Variants in MAGI2 observed in about 807,000 individuals in gnomAD.
MAGI2 encodes the protein membrane associated guanylate kinase, WW and PDZ domain containing 2, also known as membrane-associated guanylate kinase, WW and PDZ domain-containing protein 2.
A neutral mutation model predicts 133.3 loss-of-function variants in MAGI2; 35 were observed. The observed-to-expected ratio is 0.26, with a 90% CI of 0.20 to 0.35. MAGI2 has a LOEUF of 0.35. Among genes scored for constraint, MAGI2 ranks in the 10% least tolerant of loss-of-function variants. The pLI is 1.00. For synonymous variants in MAGI2, 729 were observed against 710.6 expected (o/e 1.03, Z -0.41); for missense variants, 1,636 against 1,863.4 (o/e 0.88, Z 2.25).
chr7:78,942,026 T>C (rs1221639130), intron 2 of MAGI2, among the ~76,000 whole-genome samples: 2 of 152,170 alleles, frequency 1.3e-5, no homozygotes, highest in Admixed American at 1.3e-4. Flanking sequence ...GAAACTAAAA[T>C]TGAATTTGAA....
chr7:79,149,693 C>T (rs1281193167), intron 1 of MAGI2, among the ~76,000 whole-genome samples: 1 of 152,140 alleles, frequency 6.6e-6, no homozygotes. Context: ...ATCCAGGGAA[C>T]CTCAGGCTCA....
At chr7:78,265,990 C>G (rs1458513959) in intron 9 of MAGI2, among the ~76,000 whole-genome samples, 1 of 152,118 alleles carries the variant, frequency 6.6e-6, no homozygotes, top group South Asian at 2.1e-4. Flanking sequence ...TCTACTCTAC[C>G]CGCAACTGTC....
At chr7:79,034,340 C>T (rs1182039515) in intron 1 of MAGI2, among the ~76,000 whole-genome samples, 2 of 152,074 alleles carry the variant, frequency 1.3e-5, no homozygotes, top group Non-Finnish European at 2.9e-5. Context: ...ATTTAAATTA[C>T]ATTTCAGTGC....
At position 78,513,663 on chromosome 7, in the gene MAGI2, C is replaced by T. The variant is rs183107017; in HGVS notation, c.754+7767G>A. ...ACTGCTGGAGAAACCTGAGGTGCTA[C>T]TCTGGTTGTCCTTGTTCTGCCTTCC... On this transcript the variant is annotated intron_variant, in intron 4 of 21. Transcript: ENST00000354212. Among the ~76,000 whole-genome samples the T allele has an allele frequency of 1.2e-3, 182 of 152,270 alleles. 2 individuals carry two copies. Among genetic ancestry groups the T allele is most frequent in the African/African-American group, 4.1e-3 (170 of 41,550 alleles).
chr7:78,155,702 A>G lies in MAGI2; in HGVS notation c.2845+4323T>C, dbSNP rs73366717. On this transcript the variant is annotated intron_variant, in intron 16 of 21. Coordinates refer to ENST00000354212, the MANE Select transcript of MAGI2 (RefSeq NM_012301.4). ...ACAGATAGAAAGCTTCTAAGCTTCT[A>G]AAACCTGTCTACTCCTATGCAATGG... is the stretch of plus-strand genomic sequence containing the variant. 5.8e-3 allele frequency among the ~76,000 whole-genome samples: 886 copies of G among 152,306 alleles called. 7 individuals carry two copies. The highest frequency in any genetic ancestry group is 0.02 in the African/African-American group (833 of 41,564).
intron 1 of MAGI2, among the ~76,000 whole-genome samples, chr7:79,029,897 C>A (rs982134296): frequency 1.3e-5 from 2 of 152,108 alleles, no homozygotes; most frequent in African/African-American, 4.8e-5. Flanking sequence ...CAAGCAATTT[C>A]TTCACCATGC....
chr7:78,328,999 CGTA>C (rs1320262294), intron 9 of MAGI2, among the ~76,000 whole-genome samples: 3 of 152,096 alleles, frequency 2.0e-5, no homozygotes, highest in Admixed American at 2.0e-4. Context: ...ATTTCATATA[CGTA>C]GTAGAATTTT....
intron 1 of MAGI2, among the ~76,000 whole-genome samples, chr7:79,089,723 C>T (rs1816878031): frequency 6.6e-6 from 1 of 151,988 alleles, no homozygotes; most frequent in Admixed American, 6.6e-5. Flanking sequence ...AAACTAAACC[C>T]TCATTCTCAG....
intron 2 of MAGI2, among the ~76,000 whole-genome samples, chr7:78,962,413 G>A (rs2115802364): frequency 6.6e-6 from 1 of 151,366 alleles, no homozygotes; most frequent in African/African-American, 2.4e-5. Context: ...CTTAAATATA[G>A]TTGAAAGGAA....
At chr7:79,415,888 C>T (rs1846471759) in intron 1 of MAGI2, among the ~76,000 whole-genome samples, 1 of 152,096 alleles carries the variant, frequency 6.6e-6, no homozygotes, top group Admixed American at 6.6e-5. Flanking sequence ...CAGGACAGAA[C>T]TGGCCTGGGT....
intron 3 of MAGI2, among the ~76,000 whole-genome samples, chr7:78,600,683 A>G (rs1805105956): frequency 6.6e-6 from 1 of 152,192 alleles, no homozygotes; most frequent in Admixed American, 6.5e-5. Context: ...CATAATTATA[A>G]TTAAAGCATC....
chr7:79,407,932 C>G (rs1166658787), intron 1 of MAGI2, among the ~76,000 whole-genome samples: 1 of 152,010 alleles, frequency 6.6e-6, no homozygotes, highest in Non-Finnish European at 1.5e-5. Flanking sequence ...TTCATATGTG[C>G]CACCCTAACC....
intron 1 of MAGI2, among the ~76,000 whole-genome samples, chr7:79,290,711 A>G (rs939471212): frequency 6.6e-6 from 1 of 152,072 alleles, no homozygotes; most frequent in Admixed American, 6.6e-5. Flanking sequence ...AGATGCTGCA[A>G]GCATATAGAT....
chr7:79,213,157 T>A (rs1459920405), intron 1 of MAGI2, among the ~76,000 whole-genome samples: 2 of 151,780 alleles, frequency 1.3e-5, no homozygotes, highest in African/African-American at 4.9e-5. Context: ...GACTTGAGAT[T>A]TTTCTGTATA....
rs1563001355 is a variant in MAGI2, at chr7:78,442,333, T to TG, written c.1045+47427_1045+47428insC. ...TGTCTTATACGAATCATCATCTTGG[T>TG]ACAAATTGGTTAAGCTGACCTCAAG... On this transcript the variant is annotated intron_variant, in intron 6 of 21. Coordinates refer to ENST00000354212, the MANE Select transcript of MAGI2 (RefSeq NM_012301.4). Among the ~76,000 whole-genome samples the TG allele has an allele frequency of 4.6e-5, 7 of 152,338 alleles. No homozygotes were observed. In the East Asian group the frequency reaches 5.8e-4, roughly 13 times the overall value.
At position 78,402,842 on chromosome 7, in the gene MAGI2, C is replaced by CA. The variant is rs575923710; in HGVS notation, c.1046-33630dup. 4.5e-4 allele frequency among the ~76,000 whole-genome samples: 69 copies of CA among 152,138 alleles called. 2 individuals carry two copies. The South Asian group carries it at 0.014, about 31-fold the overall frequency. On this transcript the variant is annotated intron_variant, in intron 6 of 21. Transcript: ENST00000354212. ...TGGATAAGTATATTGGTATACACAACATATGAAAAATTTCATGCAAATATG... is the reference window on the plus strand; with the variant it reads ...TGGATAAGTATATTGGTATACACAACAATATGAAAAATTTCATGCAAATATG...
chr7:78,243,086 A>C (rs557857365), intron 10 of MAGI2, among the ~76,000 whole-genome samples: 14 of 152,132 alleles, frequency 9.2e-5, no homozygotes, highest in African/African-American at 3.4e-4. Flanking sequence ...TAAATAAATA[A>C]ATATAAGGTA....
Position 78,017,407 on chromosome 7 carries a change from T to C in MAGI2, c.*1908A>G, listed in dbSNP as rs532495350. On this transcript the variant is annotated 3_prime_UTR_variant, in exon 22 of 22. Transcript: ENST00000354212. ...AGAGTTTATGCCAGTGTAATCTCAA[T>C]TTTTTTTTCCTTTTGTAATACATGG... The C allele has an allele frequency of 3.2e-4, 48 of 152,180 alleles. No individual in the cohort carries two copies. The highest frequency in any genetic ancestry group is 1.1e-3 in the African/African-American group (47 of 41,390). 9.4% of individuals were successfully genotyped at this position (152,180 alleles called of 1,614,324 possible). A position where few individuals can be genotyped will look rare whatever the true frequency, so the allele number is the denominator to read the frequency against.
At chr7:78,275,832 C>T (rs1795008167) in intron 9 of MAGI2, among the ~76,000 whole-genome samples, 1 of 152,130 alleles carries the variant, frequency 6.6e-6, no homozygotes, top group South Asian at 2.1e-4. Flanking sequence ...ATGGAGAGAG[C>T]AGTTAGCCCT....
Sources: gnomAD v4.1 joint callset for allele counts (sites outside exome capture counted in the v4.1 genomes callset) on GRCh38, gnomAD v4.1.1 for gene constraint, MANE v1.5 for transcripts, NCBI Gene and HGNC (gene_info 2026-07-23, HGNC 2026-07-21) for gene names.